Variants in SLC39A11 observed in about 807,000 individuals in gnomAD.
SLC39A11 encodes solute carrier family 39 member 11, also known as zinc transporter ZIP11.
SLC39A11 carries 33 observed loss-of-function variants against 36.1 expected under a neutral mutation model. That is an observed-to-expected ratio of 0.91 (90% CI 0.69 to 1.22). The LOEUF (loss-of-function observed/expected upper bound fraction) is 1.22. Ranked by LOEUF, SLC39A11 falls within the 50% of genes most tolerant of loss-of-function variation. The pLI is 0.00. For synonymous variants in SLC39A11, 166 were observed against 170.3 expected (o/e 0.97, Z 0.20); for missense variants, 432 against 430.3 (o/e 1.00, Z -0.03).
chr17:72,658,147 G>A (rs1354255708), intron 7 of SLC39A11, among the ~76,000 whole-genome samples: 1 of 152,216 alleles, frequency 6.6e-6, no homozygotes, highest in African/African-American at 2.4e-5. Flanking sequence ...CTGGGCCTGA[G>A]CACAAATAAT....
At chr17:72,976,868 A>G (rs1345943276) in intron 4 of SLC39A11, among the ~76,000 whole-genome samples, 4 of 152,118 alleles carry the variant, frequency 2.6e-5, no homozygotes, top group Admixed American at 2.0e-4. Context: ...AAGAAAAAAG[A>G]AAAAAAGAAA....
intron 7 of SLC39A11, among the ~76,000 whole-genome samples, chr17:72,734,534 C>T (rs1293922515): frequency 6.6e-6 from 1 of 152,212 alleles, no homozygotes; most frequent in Non-Finnish European, 1.5e-5. Flanking sequence ...CCCGACTCCA[C>T]CCCAGTTAGA....
chr17:72,873,636 C>A (rs368462961), intron 5 of SLC39A11, among the ~76,000 whole-genome samples: 2 of 152,136 alleles, frequency 1.3e-5, no homozygotes, highest in East Asian at 1.9e-4. Context: ...TATGTGAACA[C>A]GTGCCCTCAA....
chr17:73,049,385 G>T (rs1054917896), intron 3 of SLC39A11, among the ~76,000 whole-genome samples: 1 of 151,464 alleles, frequency 6.6e-6, no homozygotes, highest in Non-Finnish European at 1.5e-5. Flanking sequence ...TTCCAGGGCA[G>T]GAGCAGCTGG....
At chr17:72,715,734 C>T (rs749411991) in intron 7 of SLC39A11, among the ~76,000 whole-genome samples, 1 of 152,038 alleles carries the variant, frequency 6.6e-6, no homozygotes, top group African/African-American at 2.4e-5. Context: ...GGTGGAGTCT[C>T]GCTCTGTCAC....
At chr17:72,916,309 C>T (rs1274805144) in intron 5 of SLC39A11, among the ~76,000 whole-genome samples, 1 of 152,198 alleles carries the variant, frequency 6.6e-6, no homozygotes, top group East Asian at 1.9e-4. Context: ...TATTTGATCA[C>T]CTTAAGCATA....
chr17:72,784,536 C>T (rs1346787086), intron 6 of SLC39A11, among the ~76,000 whole-genome samples: 1 of 152,080 alleles, frequency 6.6e-6, no homozygotes, highest in Admixed American at 6.5e-5. Context: ...TTTGACCCTG[C>T]TCAAATATCA....
At position 72,949,144 on chromosome 17, in the gene SLC39A11, C is replaced by CTTTTTTTTTTTTTTT. The variant is rs56036208; in HGVS notation, c.307-1284_307-1270dup. ...AAATAAAATACCATACACTGGGCAG[C>CTTTTTTTTTTTTTTT]TTTTTTTTTTTTTTTTTTTTTTTTT... On this transcript the variant is annotated intron_variant, in intron 4 of 9. Coordinates refer to ENST00000255559, the MANE Select transcript of SLC39A11 (RefSeq NM_139177.4). Among the ~76,000 whole-genome samples, 229 of 36,516 alleles carry CTTTTTTTTTTTTTTT rather than the reference C, an allele frequency of 6.3e-3. 58 individuals carry two copies. The highest frequency in any genetic ancestry group is 9.5e-3 in the Non-Finnish European group (177 of 18,642). 24.0% of individuals were successfully genotyped at this position (36,516 alleles called of 152,430 possible). A position where few individuals can be genotyped will look rare whatever the true frequency, so the allele number is the denominator to read the frequency against.
chr17:72,898,341 C>T (rs539228936), intron 5 of SLC39A11, among the ~76,000 whole-genome samples: 1 of 152,300 alleles, frequency 6.6e-6, no homozygotes, highest in African/African-American at 2.4e-5. Context: ...ACGCTTCAGG[C>T]CTCCCGGCGC....
At chr17:73,018,682 G>A (rs1446627838) in intron 4 of SLC39A11, among the ~76,000 whole-genome samples, 1 of 151,974 alleles carries the variant, frequency 6.6e-6, no homozygotes, top group Non-Finnish European at 1.5e-5. Context: ...CCAAGACTTG[G>A]GAGTATCAAG....
At chr17:72,670,049 T>A (rs1475242205) in intron 7 of SLC39A11, among the ~76,000 whole-genome samples, 1 of 151,134 alleles carries the variant, frequency 6.6e-6, no homozygotes, top group African/African-American at 2.4e-5. Flanking sequence ...TATATACGTA[T>A]AGATGTATAT....
intron 3 of SLC39A11, among the ~76,000 whole-genome samples, chr17:73,041,469 A>G (rs1278956173): frequency 6.7e-6 from 1 of 148,228 alleles, no homozygotes; most frequent in Non-Finnish European, 1.5e-5. Flanking sequence ...GGTAAGAAGC[A>G]AGTAAACTCC....
At chr17:72,855,672 A>G (rs941100170) in intron 5 of SLC39A11, among the ~76,000 whole-genome samples, 4 of 152,308 alleles carry the variant, frequency 2.6e-5, no homozygotes, top group Admixed American at 6.5e-5. Flanking sequence ...CGAGGTGGGC[A>G]GATCACAAGG....
At chr17:72,827,152 A>G (rs912913593) in intron 6 of SLC39A11, among the ~76,000 whole-genome samples, 1 of 152,254 alleles carries the variant, frequency 6.6e-6, no homozygotes, top group African/African-American at 2.4e-5. Context: ...CATATAATGG[A>G]ATATTATTTG....
intron 6 of SLC39A11, among the ~76,000 whole-genome samples, chr17:72,825,521 T>C (rs780455320): frequency 5.9e-5 from 9 of 152,142 alleles, no homozygotes; most frequent in Non-Finnish European, 1.2e-4. Context: ...CACTGCCTAG[T>C]AGAGCTGTGA....
intron 5 of SLC39A11, among the ~76,000 whole-genome samples, chr17:72,900,093 AGAAAAG>A (rs1176367155): frequency 1.2e-5 from 1 of 82,274 alleles, no homozygotes; most frequent in Non-Finnish European, 2.1e-5. Flanking sequence ...AAAGAGAAAG[AGAAAAG>A]AAAGAAAGAA....
chr17:72,874,832 A>G (rs1314924742), intron 5 of SLC39A11, among the ~76,000 whole-genome samples: 2 of 152,160 alleles, frequency 1.3e-5, no homozygotes, highest in Non-Finnish European at 2.9e-5. Context: ...AGGGCCTCCA[A>G]CCCAACTGTG....
intron 5 of SLC39A11, among the ~76,000 whole-genome samples, chr17:72,935,766 G>A (rs868048234): frequency 6.6e-6 from 1 of 151,888 alleles, no homozygotes; most frequent in African/African-American, 2.4e-5. Context: ...TTGTATTTTC[G>A]TAGACACGGG....
At chr17:72,979,119 C>T (rs895655531) in intron 4 of SLC39A11, among the ~76,000 whole-genome samples, 6 of 152,102 alleles carry the variant, frequency 3.9e-5, no homozygotes, top group African/African-American at 1.4e-4. Flanking sequence ...ATGCTGTTCT[C>T]GTGATAGTGA....
Sources: gnomAD v4.1 joint callset for allele counts (sites outside exome capture counted in the v4.1 genomes callset) on GRCh38, gnomAD v4.1.1 for gene constraint, MANE v1.5 for transcripts, NCBI Gene and HGNC (gene_info 2026-07-23, HGNC 2026-07-21) for gene names.